The following HMCN1 variants were observed in gnomAD, a reference collection of about 807,000 sequenced individuals.
The protein encoded by HMCN1 is hemicentin 1, also known as hemicentin-1.
In HMCN1, 321 loss-of-function variants were observed where a neutral mutation model predicts 625.9. That is an observed-to-expected ratio of 0.51 (90% CI 0.47 to 0.56). HMCN1 has a LOEUF of 0.56. HMCN1 is among the 20% of genes least tolerant of loss of function. The pLI is 0.00. For missense variants in HMCN1, 6,588 were observed against 6,887.3 expected, an observed-to-expected ratio of 0.96 and a Z score of 1.54; for synonymous variants, 2,425 against 2,417.6, an observed-to-expected ratio of 1.00 and a Z score of -0.09.
chr1:185,741,702 T>C (rs1037256380), intron 1 of HMCN1, among the ~76,000 whole-genome samples: 1 of 152,204 alleles, frequency 6.6e-6, no homozygotes. Context: ...AAGGAAGAAC[T>C]AATTGGTCAC....
rs1312455563 is a variant in HMCN1, at chr1:185,970,980, T to A, written c.2371+487T>A. Among the ~76,000 whole-genome samples the A allele has an allele frequency of 3.9e-5, 6 of 152,120 alleles. No individual in the cohort carries two copies. The East Asian group carries it at 1.2e-3, about 29-fold the overall frequency. ...GGGCCACTTTCTAGGTACCGTTCGCTGTGTCAAAAAATTTATACGGAAAGA... is the reference window on the plus strand; with the variant it reads ...GGGCCACTTTCTAGGTACCGTTCGCAGTGTCAAAAAATTTATACGGAAAGA... On this transcript the variant is annotated intron_variant, in intron 15 of 106. Transcript: ENST00000271588.
At chr1:185,757,361 A>G (rs955435538) in intron 1 of HMCN1, among the ~76,000 whole-genome samples, 1 of 151,922 alleles carries the variant, frequency 6.6e-6, no homozygotes, top group African/African-American at 2.4e-5. Flanking sequence ...CTCTCCTTCT[A>G]TCCTTCCCCT....
chr1:185,870,207 A>AT (rs1663522795), intron 4 of HMCN1, among the ~76,000 whole-genome samples: 1 of 152,162 alleles, frequency 6.6e-6, no homozygotes, highest in African/African-American at 2.4e-5. Flanking sequence ...GATGTCCTTA[A>AT]TTCACCTTTG....
chr1:185,930,552 T>C (rs1667490736), intron 10 of HMCN1, among the ~76,000 whole-genome samples: 1 of 152,204 alleles, frequency 6.6e-6, no homozygotes, highest in Admixed American at 6.6e-5. Context: ...ATTATGGATA[T>C]TATTTTATTT....
intron 103 of HMCN1, 38 bp downstream of exon 103, chr1:186,174,680 G>A: frequency 2.5e-6 from 4 of 1,610,690 alleles, no homozygotes; most frequent in Non-Finnish European, 3.4e-6. Context: ...TAAAGCTACT[G>A]ATGTAGTTAC....
intron 97 of HMCN1, among the ~76,000 whole-genome samples, chr1:186,159,735 T>A (rs1247456953): frequency 1.3e-5 from 2 of 152,222 alleles, no homozygotes; most frequent in Non-Finnish European, 1.5e-5. Context: ...TTGATTTGCG[T>A]ATATTGAACC....
At chr1:185,860,684 A>G (rs1385036184) in intron 2 of HMCN1, among the ~76,000 whole-genome samples, 2 of 152,142 alleles carry the variant, frequency 1.3e-5, no homozygotes, top group Non-Finnish European at 2.9e-5. Context: ...TTCTTTCATA[A>G]AAGTCAAATA....
intron 39 of HMCN1, among the ~76,000 whole-genome samples, chr1:186,040,429 A>G (rs559422542): frequency 4.9e-4 from 75 of 152,310 alleles, no homozygotes; most frequent in African/African-American, 1.8e-3. Flanking sequence ...TATACCTAAT[A>G]TAAAGTTTAA....
chr1:186,004,610 C>CA (rs940168832), intron 29 of HMCN1, among the ~76,000 whole-genome samples: 1 of 151,634 alleles, frequency 6.6e-6, no homozygotes, highest in Non-Finnish European at 1.5e-5. Context: ...CTCATATAGG[C>CA]AAAAAAGCAA....
At chr1:186,108,643 A>AC (rs1375364241) in intron 71 of HMCN1, 46 bp downstream of exon 71, 1 of 1,610,482 alleles carries the variant, frequency 6.2e-7, no homozygotes, top group Non-Finnish European at 8.5e-7. Context: ...GAGATGAAAA[A>AC]AGTAAAAAAA....
rs757501221 is a variant in HMCN1 at position 185,911,661 on chromosome 1, TTCTG to T, written c.794-9_794-6del. ...AAGGATTGTGCTTGTTACCTTTATG[TTCTG>T]TCTTTCAGGGAAGCTGATAAAAAAG... On this transcript the variant is annotated splice_polypyrimidine_tract_variant and intron_variant, in intron 5 of 106. Transcript: ENST00000271588. 1.9e-6 allele frequency: 3 copies of T among 1,566,184 alleles called. No individual in the cohort carries two copies. Among genetic ancestry groups the T allele is most frequent in the South Asian group, 2.2e-5 (2 of 90,124 alleles).
At chr1:186,149,053 C>A (rs540143738) in intron 93 of HMCN1, among the ~76,000 whole-genome samples, 1 of 151,876 alleles carries the variant, frequency 6.6e-6, no homozygotes, top group East Asian at 1.9e-4. Flanking sequence ...TCATTTATAG[C>A]ACAGAGGCAG....
intron 1 of HMCN1, among the ~76,000 whole-genome samples, chr1:185,796,300 T>C (rs2102212980): frequency 6.6e-6 from 1 of 152,304 alleles, no homozygotes; most frequent in East Asian, 1.9e-4. Context: ...GTAATGCTGC[T>C]CACCTCCTGC....
intron 1 of HMCN1, among the ~76,000 whole-genome samples, chr1:185,819,598 T>A (rs1011147168): frequency 2.6e-5 from 4 of 152,214 alleles, no homozygotes; most frequent in African/African-American, 7.2e-5. Flanking sequence ...CGGTCTTTTT[T>A]AATAATTTTG....
rs772850579 is a variant in HMCN1 at position 186,165,133 on chromosome 1, C to CT, written c.15280dup (p.Ser5094PhefsTer14). ...TAGGAGATCGCAGTAATCAGTGCCC[C>CT]TCCGGGTTTACCTTAGACTCAGTTG... is the stretch of plus-strand genomic sequence containing the variant. On this transcript the variant is annotated frameshift_variant, in exon 98 of 107. Transcript: ENST00000271588. LOFTEE classifies it high-confidence loss of function. 1 of 1,614,080 alleles carries CT rather than the reference C, an allele frequency of 6.2e-7. No homozygotes were observed. The highest frequency in any genetic ancestry group is 8.5e-7 in the Non-Finnish European group (1 of 1,179,990).
At chr1:185,884,384 T>C (rs1257023107) in intron 4 of HMCN1, among the ~76,000 whole-genome samples, 1 of 151,992 alleles carries the variant, frequency 6.6e-6, no homozygotes, top group Non-Finnish European at 1.5e-5. Flanking sequence ...GACGCTCTTG[T>C]CTTCATAGCT....
chr1:185,872,832 A>G (rs1172757560), intron 4 of HMCN1, among the ~76,000 whole-genome samples: 1 of 152,196 alleles, frequency 6.6e-6, no homozygotes, highest in African/African-American at 2.4e-5. Flanking sequence ...TCTCTACACA[A>G]CAGAACTCAT....
At chr1:186,011,170 C>T (rs537151113) in intron 30 of HMCN1, among the ~76,000 whole-genome samples, 81 of 152,176 alleles carry the variant, frequency 5.3e-4, no homozygotes, top group African/African-American at 1.9e-3. Flanking sequence ...CTCAGCTTCC[C>T]GAGTAGCTGG....
intron 50 of HMCN1, among the ~76,000 whole-genome samples, chr1:186,068,236 C>T (rs1439280454): frequency 6.6e-6 from 1 of 151,896 alleles, no homozygotes; most frequent in Non-Finnish European, 1.5e-5. Flanking sequence ...AGAAGAATAC[C>T]TAAATTAAAA....
Sources: allele counts gnomAD v4.1 joint callset (sites outside exome capture counted in the v4.1 genomes callset), GRCh38; gene constraint gnomAD v4.1.1; transcripts MANE v1.5; gene names NCBI Gene and HGNC (gene_info 2026-07-23, HGNC 2026-07-21).